The following KCNG2 variants were observed in gnomAD, a reference collection of about 807,000 sequenced individuals.
KCNG2 encodes potassium voltage-gated channel modifier subfamily G member 2.
In KCNG2, 7 loss-of-function variants were observed where a neutral mutation model predicts 12.3. The ratio of observed to expected loss-of-function variants is 0.57; its 90% CI spans 0.32 to 1.07. The LOEUF (loss-of-function observed/expected upper bound fraction) is 1.07. Among genes scored for constraint, KCNG2 ranks in the 50% least tolerant of loss-of-function variants. KCNG2 has a pLI of 0.04. For synonymous variants in KCNG2, 414 were observed against 351.4 expected (o/e 1.18, Z -1.99); for missense variants, 703 against 726.0 (o/e 0.97, Z 0.36).
chr18:79,859,455 G>A (rs1272186075), intron 2 of KCNG2, among the ~76,000 whole-genome samples: 1 of 152,184 alleles, frequency 6.6e-6, no homozygotes, highest in Non-Finnish European at 1.5e-5. Context: ...GAGACCACAC[G>A]GAGATGGAGG....
chr18:79,804,233 C>T (rs1046927737), intron 1 of KCNG2, among the ~76,000 whole-genome samples: 1 of 152,244 alleles, frequency 6.6e-6, no homozygotes, highest in Non-Finnish European at 1.5e-5. Context: ...CATTTGAGAG[C>T]GTGTTCTTCT....
At chr18:79,828,263 A>G (rs1978287663) in intron 1 of KCNG2, among the ~76,000 whole-genome samples, 1 of 152,266 alleles carries the variant, frequency 6.6e-6, no homozygotes, top group Non-Finnish European at 1.5e-5. Flanking sequence ...GACATGTAGG[A>G]ATACTTAAAG....
At chr18:79,843,705 A>G (rs772967404) in intron 1 of KCNG2, among the ~76,000 whole-genome samples, 5 of 151,984 alleles carry the variant, frequency 3.3e-5, no homozygotes, top group South Asian at 2.1e-4. Flanking sequence ...CATGGTAACT[A>G]AAAAGAAAAA....
chr18:79,871,215 C>T (rs1979816796), intron 3 of KCNG2, among the ~76,000 whole-genome samples: 1 of 152,232 alleles, frequency 6.6e-6, no homozygotes, highest in Non-Finnish European at 1.5e-5. Context: ...TGAGGCTAAG[C>T]CTTATGAGCT....
intron 3 of KCNG2, among the ~76,000 whole-genome samples, chr18:79,874,052 G>A (rs556278684): frequency 2.2e-4 from 33 of 152,344 alleles, no homozygotes; most frequent in Non-Finnish European, 3.1e-4. Context: ...CAGGTCAAGC[G>A]TGGGGTCAAG....
intron 3 of KCNG2, among the ~76,000 whole-genome samples, chr18:79,880,931 A>G (rs1980269653): frequency 6.6e-6 from 1 of 152,264 alleles, no homozygotes; most frequent in South Asian, 2.1e-4. Flanking sequence ...ACTTTCAGCA[A>G]TTTAGGAATA....
chr18:79,812,847 C>T lies in KCNG2; in HGVS notation c.-115+14833C>T, dbSNP rs1258675344. 6.0e-5 allele frequency among the ~76,000 whole-genome samples: 9 copies of T among 150,662 alleles called. No homozygotes were observed. The East Asian group carries it at 7.9e-4, about 13-fold the overall frequency. ...CTGTAGTCCAGTCTGGGTGATAGAG[C>T]GAGACTCTGTCTCAAAAATAAGTAA... On this transcript the variant is annotated intron_variant, in intron 1 of 3. Coordinates refer to ENST00000316249, the MANE Select transcript of KCNG2 (RefSeq NM_012283.2).
At chr18:79,810,061 G>A (rs749044050) in intron 1 of KCNG2, among the ~76,000 whole-genome samples, 4 of 152,218 alleles carry the variant, frequency 2.6e-5, no homozygotes, top group African/African-American at 9.6e-5. Flanking sequence ...TGGAAGGGCC[G>A]ATGAGGATGA....
chr18:79,850,347 CATTTG>C (rs1384509919), intron 1 of KCNG2, among the ~76,000 whole-genome samples: 4 of 152,190 alleles, frequency 2.6e-5, no homozygotes, highest in African/African-American at 9.6e-5. Flanking sequence ...TTGATAAAGT[CATTTG>C]AGTTTGATTT....
chr18:79,881,442 AAATT>A (rs542305346), intron 3 of KCNG2, among the ~76,000 whole-genome samples: 70 of 152,334 alleles, frequency 4.6e-4, no homozygotes, highest in African/African-American at 1.5e-3. Context: ...AAGCTTAAGA[AAATT>A]AAGGGAGTTG....
intron 3 of KCNG2, among the ~76,000 whole-genome samples, chr18:79,865,820 G>C (rs1365130753): frequency 8.0e-6 from 1 of 125,472 alleles, no homozygotes; most frequent in East Asian, 2.3e-4. Context: ...AGAGGTCTGG[G>C]TGCTGAGAGG....
chr18:79,899,708 G>C lies in KCNG2; in HGVS notation c.1293G>C (p.Glu431Asp). Residue 431 changes from glutamate (E) to aspartate (D), a missense_variant, in exon 4 of 4, where the codon GAG (glutamate) becomes GAC (aspartate). Transcript: ENST00000316249. ...RAASPEPALQ[E>D]DSTHSATATE... The stretch of plus-strand genomic sequence containing the variant: ...CCAGCCCCGAGCCGGCCCTGCAGGA[G>C]GACAGCACGCACTCGGCCACAGCCA... 1 of 1,606,086 alleles carries C rather than the reference G, an allele frequency of 6.2e-7. No individual in the cohort carries two copies. Among genetic ancestry groups the C allele is most frequent in the Non-Finnish European group, 8.5e-7 (1 of 1,177,852 alleles).
At chr18:79,883,308 C>T (rs1211375189) in intron 3 of KCNG2, among the ~76,000 whole-genome samples, 4 of 152,204 alleles carry the variant, frequency 2.6e-5, no homozygotes, top group South Asian at 2.1e-4. Context: ...AGCTGTCCTG[C>T]GTCTTTGCGC....
chr18:79,843,601 GAGA>G (rs771820679), intron 1 of KCNG2, among the ~76,000 whole-genome samples: 3 of 152,168 alleles, frequency 2.0e-5, no homozygotes, highest in Non-Finnish European at 4.4e-5. Flanking sequence ...TAAAATGTGT[GAGA>G]AGAAAAAGTA....
chr18:79,899,057 G>C lies in KCNG2; in HGVS notation c.642G>C (p.Lys214Asn). 6.4e-7 allele frequency: 1 copy of C among 1,573,322 alleles called. No individual in the cohort carries two copies. Among genetic ancestry groups the C allele is most frequent in the Non-Finnish European group, 8.6e-7 (1 of 1,162,908 alleles). ...AEEERGECSP[K>N]CRSLFVLETV... is the part of the protein sequence containing the mutation. ...CCCCGCAGGGCGAGTGCTCCCCCAA[G>C]TGCCGCAGCCTGTTCGTGCTGGAGA... is the stretch of plus-strand genomic sequence containing the variant. Residue 214 changes from lysine to asparagine, a missense_variant, in exon 4 of 4, where the codon AAG becomes AAC. Coordinates refer to ENST00000316249, the MANE Select transcript of KCNG2 (RefSeq NM_012283.2).
intron 3 of KCNG2, among the ~76,000 whole-genome samples, chr18:79,868,680 T>A (rs1013222638): frequency 7.2e-5 from 11 of 152,160 alleles, no homozygotes. Flanking sequence ...ATTGATGGGA[T>A]GTGAGAACCG....
At chr18:79,885,528 C>T (rs886330695) in intron 3 of KCNG2, among the ~76,000 whole-genome samples, 4 of 152,174 alleles carry the variant, frequency 2.6e-5, no homozygotes, top group Non-Finnish European at 5.9e-5. Flanking sequence ...GTGGGCAGGG[C>T]GGCGCTCAGA....
intron 3 of KCNG2, among the ~76,000 whole-genome samples, chr18:79,869,265 C>T (rs955038290): frequency 7.8e-6 from 1 of 128,752 alleles, no homozygotes; most frequent in Non-Finnish European, 1.9e-5. Context: ...GGCAGTAGCT[C>T]CCTGTGGGGA....
chr18:79,862,007 T>C (rs1369034549), intron 2 of KCNG2, among the ~76,000 whole-genome samples: 1 of 152,254 alleles, frequency 6.6e-6, no homozygotes, highest in Non-Finnish European at 1.5e-5. Flanking sequence ...TGTCTCTTTA[T>C]TGATATTCTG....
Sources: allele counts gnomAD v4.1 joint callset (sites outside exome capture counted in the v4.1 genomes callset), GRCh38; gene constraint gnomAD v4.1.1; transcripts MANE v1.5; gene names NCBI Gene and HGNC (gene_info 2026-07-23, HGNC 2026-07-21).